The following C1QTNF1 variants were observed in gnomAD, a reference collection of about 807,000 sequenced individuals.
The protein encoded by C1QTNF1 is complement C1q tumor necrosis factor-related protein 1.
In C1QTNF1, 22 loss-of-function variants were observed where a neutral mutation model predicts 27.8. The ratio of observed to expected loss-of-function variants is 0.79; its 90% CI spans 0.56 to 1.13. The LOEUF (loss-of-function observed/expected upper bound fraction) is 1.13. C1QTNF1 is among the 50% of genes most tolerant of loss of function. C1QTNF1 has a pLI of 0.00. For missense variants in C1QTNF1, 373 were observed against 380.2 expected (o/e 0.98, Z 0.16); for synonymous variants, 166 against 154.3 (o/e 1.08, Z -0.56).
chr17:79,040,567 CCTGT>C (rs1477201276), intron 1 of C1QTNF1, among the ~76,000 whole-genome samples: 1 of 151,896 alleles, frequency 6.6e-6, no homozygotes, highest in African/African-American at 2.4e-5. Context: ...CTGTTGTCAG[CCTGT>C]CTGAGTCCAA....
chr17:79,042,337 C>T (rs143351101), intron 1 of C1QTNF1, among the ~76,000 whole-genome samples: 211 of 152,378 alleles, frequency 1.4e-3, no homozygotes, highest in African/African-American at 4.6e-3. Context: ...TGCCGCCCCT[C>T]GCGGGCTCCC....
At chr17:79,030,485 T>TTCTTTCTTTC (rs1471598732) in intron 1 of C1QTNF1, among the ~76,000 whole-genome samples, 274 of 121,820 alleles carry the variant, frequency 2.2e-3, no homozygotes, top group African/African-American at 4.7e-3. Flanking sequence ...CTTTCTTTCT[T>TTCTTTCTTTC]TTTCTTTCTT....
intron 1 of C1QTNF1, among the ~76,000 whole-genome samples, chr17:79,037,600 A>G (rs987209572): frequency 3.9e-5 from 6 of 152,070 alleles, no homozygotes. Context: ...AGGAATGGTG[A>G]ACTTGCATGT....
chr17:79,046,117 C>G lies in C1QTNF1; in HGVS notation c.156-438C>G, dbSNP rs555256962. The stretch of plus-strand genomic sequence containing the variant: ...CCAATCAGGTTGGAAACATAAGAGT[C>G]TCTCCAGCGGCTACAGCTGAGGGGA... On this transcript the variant is annotated intron_variant, in intron 2 of 3. Transcript: ENST00000579760. The surrounding 1 kb of genome is among the most constrained non-coding windows in gnomAD (Gnocchi z 4.8). 4.6e-5 allele frequency among the ~76,000 whole-genome samples: 7 copies of G among 152,306 alleles called. No individual in the cohort carries two copies. The highest frequency in any genetic ancestry group is 1.7e-4 in the African/African-American group (7 of 41,564).
chr17:79,028,355 G>A (rs1394230583), intron 1 of C1QTNF1, among the ~76,000 whole-genome samples: 1 of 152,244 alleles, frequency 6.6e-6, no homozygotes, highest in Non-Finnish European at 1.5e-5. Context: ...GAGCAGGGAA[G>A]CTGCTGGGAA....
chr17:79,045,323 T>G (rs1742981279), intron 2 of C1QTNF1, among the ~76,000 whole-genome samples: 1 of 152,108 alleles, frequency 6.6e-6, no homozygotes, highest in African/African-American at 2.4e-5. Context: ...GTAGGGCAGT[T>G]GAGCCTGGAG....
At chr17:79,023,704 G>GCGCGCACACACACA (rs1267428917), upstream of C1QTNF1, among the ~76,000 whole-genome samples, 64 of 145,028 alleles carry the variant, frequency 4.4e-4, no homozygotes, top group South Asian at 2.3e-3. Context: ...GCGCGCGCGC[G>GCGCGCACACACACA]CACACACACA....
intron 3 of C1QTNF1, 74 bp from the exon 4 acceptor site, chr17:79,047,464 G>C: frequency 7.1e-7 from 1 of 1,414,938 alleles, no homozygotes; most frequent in Non-Finnish European, 9.6e-7. Context: ...CCAGGGACCG[G>C]AGAGTGAGCA....
chr17:79,027,964 G>A (rs546607081), intron 1 of C1QTNF1, among the ~76,000 whole-genome samples: 34 of 152,294 alleles, frequency 2.2e-4, no homozygotes, highest in East Asian at 1.2e-3. Context: ...GATCTAAGCC[G>A]TTCTCCAGCT....
At chr17:79,045,205 CTGGTAGCCAGAA>C (rs2072536340) in intron 2 of C1QTNF1, among the ~76,000 whole-genome samples, 2 of 152,088 alleles carry the variant, frequency 1.3e-5, no homozygotes, top group African/African-American at 4.8e-5. Context: ...GGAAAGCTAC[CTGGTAGCCAGAA>C]TGGGGTGTGC....
chr17:79,030,735 G>A (rs1272102059), intron 1 of C1QTNF1, among the ~76,000 whole-genome samples: 1 of 151,768 alleles, frequency 6.6e-6, no homozygotes, highest in Non-Finnish European at 1.5e-5. Context: ...GACTAGCTGG[G>A]ATTTTAGGCA....
At chr17:79,029,462 A>G (rs1024135856) in intron 1 of C1QTNF1, among the ~76,000 whole-genome samples, 4 of 152,202 alleles carry the variant, frequency 2.6e-5, no homozygotes, top group African/African-American at 7.2e-5. Flanking sequence ...CTAAGGATCA[A>G]GCTTTCTAAG....
intron 1 of C1QTNF1, chr17:79,041,981 AG>A (rs2072422997): frequency 6.6e-6 from 1 of 152,240 alleles, no homozygotes; most frequent in South Asian, 2.1e-4. Flanking sequence ...AGTCTGGCCC[AG>A]GGCCTTTGGA....
upstream of C1QTNF1, among the ~76,000 whole-genome samples, chr17:79,023,737 C>G (rs187117274): frequency 6.9e-3 from 1,004 of 144,718 alleles, 4 homozygotes; most frequent in Admixed American, 0.02. Flanking sequence ...CACACACACA[C>G]AGTTTGGCAT....
chr17:79,035,751 G>T (rs576557896), intron 1 of C1QTNF1, among the ~76,000 whole-genome samples: 1 of 152,272 alleles, frequency 6.6e-6, no homozygotes, highest in Non-Finnish European at 1.5e-5. Flanking sequence ...TCTTGAACTG[G>T]ACACCACTAG....
chr17:79,030,514 T>TTTC (rs781226627), intron 1 of C1QTNF1, among the ~76,000 whole-genome samples: 3 of 138,646 alleles, frequency 2.2e-5, no homozygotes, highest in East Asian at 4.0e-4. Flanking sequence ...TCTTTCTTTC[T>TTTC]TTCTTTCTTT....
At position 79,047,648 on chromosome 17, in the gene C1QTNF1, G is replaced by GC; in HGVS notation, c.410dup (p.Gly138TrpfsTer119). The GC allele has an allele frequency of 6.2e-7, 1 of 1,608,098 alleles. No homozygotes were observed. The highest frequency in any genetic ancestry group is 8.5e-7 in the Non-Finnish European group (1 of 1,175,824). ...CAAAGGGCAGAAGGGCTCCATGGGG[G>GC]CCCCTGGGGAGCGGTGCAAGAGCCA... On this transcript the variant is annotated frameshift_variant, in exon 4 of 4. Transcript: ENST00000579760. LOFTEE classifies it high-confidence loss of function.
At chr17:79,043,675 ATG>A (rs1327891012) in intron 1 of C1QTNF1, 2 of 554,876 alleles carry the variant, frequency 3.6e-6, no homozygotes, top group South Asian at 1.5e-5. Flanking sequence ...TGTGGATTGC[ATG>A]TGTGTTGAGT....
chr17:79,028,892 G>GTA (rs1166382447), intron 1 of C1QTNF1, among the ~76,000 whole-genome samples: 1 of 151,822 alleles, frequency 6.6e-6, no homozygotes, highest in Non-Finnish European at 1.5e-5. Context: ...AGGTGTGTGT[G>GTA]TGTGTGTGTG....
Sources: allele counts gnomAD v4.1 joint callset (sites outside exome capture counted in the v4.1 genomes callset), GRCh38; gene constraint gnomAD v4.1.1; non-coding constraint Gnocchi (gnomAD v3.1); transcripts MANE v1.5; gene names NCBI Gene and HGNC (gene_info 2026-07-23, HGNC 2026-07-21).